Variants in GABRB3 observed in about 807,000 individuals in gnomAD.
GABRB3 encodes gamma-aminobutyric acid type A receptor subunit beta3, also known as gamma-aminobutyric acid receptor subunit beta-3.
Under a neutral mutation model 52.1 loss-of-function variants are expected in GABRB3, and 14 were observed. That is an observed-to-expected ratio of 0.27 (90% confidence interval 0.18 to 0.42). The LOEUF (loss-of-function observed/expected upper bound fraction) is 0.42, where lower values mean the gene tolerates loss of function less well. Ranked by LOEUF, GABRB3 falls within the 10% of genes least tolerant of loss-of-function variation. GABRB3 has a pLI of 1.00. For synonymous variants in GABRB3, 260 were observed against 232.3 expected (o/e 1.12, Z -1.08); for missense variants, 307 against 609.1 (o/e 0.50, Z 5.22).
intron 3 of GABRB3, among the ~76,000 whole-genome samples, chr15:26,699,350 G>A (rs8035700): frequency 0.024 from 3,656 of 152,020 alleles, 143 homozygotes; most frequent in African/African-American, 0.083. Context: ...AGAACAAAGC[G>A]CAAGAATATT....
chr15:26,738,887 CAG>C (rs1860882696), intron 3 of GABRB3, among the ~76,000 whole-genome samples: 1 of 152,066 alleles, frequency 6.6e-6, no homozygotes, highest in Non-Finnish European at 1.5e-5. Context: ...AATTACATAA[CAG>C]AGGAAGAGAA....
At chr15:26,742,230 T>C (rs767976316) in intron 3 of GABRB3, among the ~76,000 whole-genome samples, 59 of 152,172 alleles carry the variant, frequency 3.9e-4, no homozygotes, top group Non-Finnish European at 6.6e-4. Context: ...TCTTGGGTCC[T>C]TCCCAGGACT....
At chr15:26,764,172 AAAAAAAAATATATATATATATATAT>A (rs1566834472) in intron 3 of GABRB3, among the ~76,000 whole-genome samples, 11 of 17,260 alleles carry the variant, frequency 6.4e-4, no homozygotes, top group South Asian at 3.3e-3. Flanking sequence ...AAAAAAAAAA[AAAAAAAAATATATATATATATATAT>A]ATATATATAT....
intron 3 of GABRB3, among the ~76,000 whole-genome samples, chr15:26,701,016 C>G (rs1327440001): frequency 6.6e-6 from 1 of 151,846 alleles, no homozygotes; most frequent in Non-Finnish European, 1.5e-5. Context: ...GATCGCACCA[C>G]TGCACTCCAG....
chr15:26,629,166 A>C, intron 3 of GABRB3: 3 of 1,496,294 alleles, frequency 2.0e-6, no homozygotes, highest in Admixed American at 2.1e-5. Flanking sequence ...GTGTGGGGAG[A>C]AGCAGCTCCC....
chr15:26,611,560 T>C (rs1373433655), intron 4 of GABRB3, among the ~76,000 whole-genome samples: 1 of 152,186 alleles, frequency 6.6e-6, no homozygotes, highest in African/African-American at 2.4e-5. Flanking sequence ...TTTCAAATTA[T>C]GGCCTATGCT....
intron 3 of GABRB3, among the ~76,000 whole-genome samples, chr15:26,676,847 A>G (rs2140640820): frequency 6.6e-6 from 1 of 152,330 alleles, no homozygotes; most frequent in Non-Finnish European, 1.5e-5. Context: ...ATGATACCAG[A>G]TATTATATAT....
chr15:26,605,659 A>C (rs1203832382), intron 4 of GABRB3, among the ~76,000 whole-genome samples: 1 of 152,228 alleles, frequency 6.6e-6, no homozygotes, highest in Non-Finnish European at 1.5e-5. Context: ...TGTTAATTGA[A>C]ATAAGCCAGG....
At chr15:26,562,499 G>A (rs1179056614) in intron 7 of GABRB3, among the ~76,000 whole-genome samples, 1 of 152,206 alleles carries the variant, frequency 6.6e-6, no homozygotes, top group Non-Finnish European at 1.5e-5. Flanking sequence ...GAGGCCAAGA[G>A]GTAGTGCCAG....
At chr15:26,694,664 C>G (rs988574161) in intron 3 of GABRB3, among the ~76,000 whole-genome samples, 1 of 152,168 alleles carries the variant, frequency 6.6e-6, no homozygotes, top group Non-Finnish European at 1.5e-5. Flanking sequence ...CAAAAAATTA[C>G]AAGAGGCTCT....
intron 3 of GABRB3, among the ~76,000 whole-genome samples, chr15:26,693,639 C>T (rs1888651121): frequency 6.6e-6 from 1 of 152,178 alleles, no homozygotes; most frequent in Admixed American, 6.5e-5. Flanking sequence ...CAAAACAACT[C>T]TTATTAGATC....
chr15:26,753,403 A>T (rs1056822445), intron 3 of GABRB3, among the ~76,000 whole-genome samples: 2 of 152,198 alleles, frequency 1.3e-5, no homozygotes, highest in Non-Finnish European at 2.9e-5. Context: ...AGGCACTGGG[A>T]AAAAAGGAGC....
chr15:26,718,161 T>C (rs201611815), intron 3 of GABRB3, among the ~76,000 whole-genome samples: 1 of 152,230 alleles, frequency 6.6e-6, no homozygotes, highest in East Asian at 1.9e-4. Context: ...AAGGCCAGAA[T>C]TGGCAAATGA....
At chr15:26,554,161 G>GTGTATATATATA (rs1555400843) in intron 8 of GABRB3, among the ~76,000 whole-genome samples, 1 of 21,246 alleles carries the variant, frequency 4.7e-5, no homozygotes, top group African/African-American at 1.0e-4. Flanking sequence ...TATATATAAA[G>GTGTATATATATA]TATATATATA....
intron 6 of GABRB3, among the ~76,000 whole-genome samples, chr15:26,570,223 C>A (rs1053256395): frequency 2.0e-5 from 3 of 152,208 alleles, no homozygotes; most frequent in Non-Finnish European, 4.4e-5. Context: ...CAGAGTTTGA[C>A]ATGAGGTGAA....
At chr15:26,715,201 C>A (rs1243019358) in intron 3 of GABRB3, among the ~76,000 whole-genome samples, 1 of 152,110 alleles carries the variant, frequency 6.6e-6, no homozygotes, top group Non-Finnish European at 1.5e-5. Context: ...ACCATCCCAG[C>A]CTTGGAACGA....
intron 3 of GABRB3, among the ~76,000 whole-genome samples, chr15:26,764,182 AT>A (rs1890926998): frequency 2.2e-4 from 1 of 4,562 alleles, no homozygotes; most frequent in African/African-American, 9.7e-4. Context: ...AAAAAAAAAT[AT>A]ATATATATAT....
chr15:26,604,442 A>C (rs1891705300), intron 4 of GABRB3, among the ~76,000 whole-genome samples: 1 of 152,198 alleles, frequency 6.6e-6, no homozygotes, highest in African/African-American at 2.4e-5. Context: ...GAATCATAAG[A>C]AGCTCAGAAT....
chr15:26,749,551 G>A lies in GABRB3; in HGVS notation c.240+22851C>T, dbSNP rs530145608. 2.3e-4 allele frequency among the ~76,000 whole-genome samples: 35 copies of A among 152,264 alleles called. 1 individual carries two copies. In the South Asian group the frequency reaches 6.6e-3, roughly 29 times the overall value. On this transcript the variant is annotated intron_variant, in intron 3 of 8. Transcript: ENST00000311550. ...TCAAATCCTGTTGACTGATGGTGTCGTTTGGTTCTTCTGTATGTTGGGAGC... is the reference window on the plus strand; with the variant it reads ...TCAAATCCTGTTGACTGATGGTGTCATTTGGTTCTTCTGTATGTTGGGAGC...
Sources: gnomAD v4.1 joint callset for allele counts (sites outside exome capture counted in the v4.1 genomes callset) on GRCh38, gnomAD v4.1.1 for gene constraint, MANE v1.5 for transcripts, NCBI Gene and HGNC (gene_info 2026-07-23, HGNC 2026-07-21) for gene names.